The following P2RY14 variants were observed in gnomAD, a reference collection of about 807,000 sequenced individuals.
P2RY14 encodes purinergic receptor P2Y14, also known as P2Y purinoceptor 14.
Under a neutral mutation model 0.9 loss-of-function variants are expected in P2RY14, and 2 were observed. The observed-to-expected ratio is 2.16, with a 90% CI of 0.88 to 6.79. The LOEUF is 6.79. Among genes scored for constraint, P2RY14 ranks in the 30% most tolerant of loss-of-function variants. The pLI, the probability that P2RY14 is intolerant of heterozygous loss-of-function variation, is 0.05. For synonymous variants in P2RY14, 158 were observed against 147.2 expected (o/e 1.07, Z -0.53); for missense variants, 378 against 400.1 (o/e 0.94, Z 0.47).
At chr3:151,255,892 A>G (rs1010000205) in intron 1 of P2RY14, among the ~76,000 whole-genome samples, 3 of 152,182 alleles carry the variant, frequency 2.0e-5, no homozygotes. Flanking sequence ...CATCTGCAAA[A>G]AGAGTCTAGT....
chr3:151,233,799 G>T (rs1022495937), intron 1 of P2RY14, among the ~76,000 whole-genome samples: 1 of 152,226 alleles, frequency 6.6e-6, no homozygotes, highest in East Asian at 1.9e-4. Context: ...TTCTTGGATC[G>T]TTCCTGTTCC....
In P2RY14 at chr3:151,217,270, T is replaced by C. The variant is rs1728417541; in HGVS notation, c.-25+2265A>G. ...ATAATTCCTTTTCTTATAGAAACCC[T>C]TATAAAATTATTTTCTCAGAGTCTT... On this transcript the variant is annotated intron_variant, in intron 2 of 2. Transcript: ENST00000309170. Among the ~76,000 whole-genome samples the C allele has an allele frequency of 2.6e-5, 4 of 152,210 alleles. No homozygotes were observed. In the South Asian group the frequency reaches 8.3e-4, roughly 32 times the overall value.
chr3:151,258,851 CAA>C (rs63714361), intron 1 of P2RY14, among the ~76,000 whole-genome samples: 17,234 of 90,254 alleles, frequency 0.19, 1,149 homozygotes, highest in Middle Eastern at 0.33. Flanking sequence ...GATTCTGTCT[CAA>C]AAAAAAAAAA....
chr3:151,256,615 A>G (rs1737859269), intron 1 of P2RY14, among the ~76,000 whole-genome samples: 1 of 74,468 alleles, frequency 1.3e-5, no homozygotes, highest in Non-Finnish European at 2.8e-5. Context: ...AGAAATCACA[A>G]CAGACTGCTG....
chr3:151,235,927 G>T (rs1484132225), intron 1 of P2RY14, among the ~76,000 whole-genome samples: 1 of 151,966 alleles, frequency 6.6e-6, no homozygotes, highest in Non-Finnish European at 1.5e-5. Flanking sequence ...GTTTTCTCTT[G>T]TCTCCCTTTG....
intron 1 of P2RY14, among the ~76,000 whole-genome samples, chr3:151,241,183 G>A (rs1734000879): frequency 6.6e-6 from 1 of 151,982 alleles, no homozygotes; most frequent in Non-Finnish European, 1.5e-5. Context: ...TTGGCATCTG[G>A]GATTGCCTTT....
intron 1 of P2RY14, among the ~76,000 whole-genome samples, chr3:151,271,046 C>G (rs555481452): frequency 6.6e-6 from 1 of 151,178 alleles, no homozygotes; most frequent in East Asian, 1.9e-4. Flanking sequence ...AAATTTAAAA[C>G]TTTCATTTTT....
chr3:151,213,576 T>C lies in P2RY14; in HGVS notation c.741A>G (p.Val247=). 1 of 1,614,142 alleles carries C rather than the reference T, an allele frequency of 6.2e-7. No individual in the cohort carries two copies. Among genetic ancestry groups the C allele is most frequent in the Non-Finnish European group, 8.5e-7 (1 of 1,180,010 alleles). ...SIVFVFFVCF[V]PYHIARIPYT... is the part of the protein sequence containing the mutation. ...AGGGGATTCTGGCAATATGGTAAGG[T>C]ACAAAACAGACAAAAAACACAAACA... The change falls in exon 3 of 3, where the codon GTA becomes GTG. Residue 247 remains valine (V), a synonymous_variant. Transcript: ENST00000309170.
rs1291957396 is a variant in P2RY14, at chr3:151,219,634, T to G, written c.-124A>C. 1.3e-5 allele frequency: 2 copies of G among 152,208 alleles called. No individual in the cohort carries two copies. Among genetic ancestry groups the G allele is most frequent in the African/African-American group, 4.8e-5 (2 of 41,450 alleles). The allele number at this position is 152,208 out of a possible 1,614,324, so 9.4% of individuals were successfully genotyped here. On this transcript the variant is annotated 5_prime_UTR_variant, in exon 2 of 3. It removes an upstream start codon present in the reference 5' UTR. Transcript: ENST00000309170. ...TTGAAGTGGCCCAAGTGTTTTTTCA[T>G]TAAAGATCCTGCATTACACAAAACA... is the stretch of plus-strand genomic sequence containing the variant.
At chr3:151,258,403 ATTTTC>A (rs1214643789) in intron 1 of P2RY14, among the ~76,000 whole-genome samples, 12 of 152,192 alleles carry the variant, frequency 7.9e-5, no homozygotes, top group African/African-American at 2.9e-4. Context: ...ATTTTCTGTT[ATTTTC>A]TTGAAGAATA....
At chr3:151,239,589 T>C (rs1733659089) in intron 1 of P2RY14, among the ~76,000 whole-genome samples, 1 of 152,222 alleles carries the variant, frequency 6.6e-6, no homozygotes, top group Admixed American at 6.5e-5. Context: ...ACCTGCTATT[T>C]AAAAGTTTTA....
At chr3:151,269,781 C>T (rs941344057) in intron 1 of P2RY14, 12 of 416,224 alleles carry the variant, frequency 2.9e-5, no homozygotes, top group African/African-American at 2.1e-4. Flanking sequence ...TTTTAGAGTC[C>T]ACTGAAGTCA....
At chr3:151,272,406 A>G (rs906558724) in intron 1 of P2RY14, among the ~76,000 whole-genome samples, 13 of 152,116 alleles carry the variant, frequency 8.5e-5, no homozygotes, top group African/African-American at 3.1e-4. Flanking sequence ...TTTCCCATAT[A>G]TATGTATCAT....
chr3:151,233,362 ATATAGTC>A (rs1732085446), intron 1 of P2RY14, among the ~76,000 whole-genome samples: 1 of 152,236 alleles, frequency 6.6e-6, no homozygotes, highest in South Asian at 2.1e-4. Context: ...TTGCTTTTAA[ATATAGTC>A]TTTCTTTTCA....
At chr3:151,245,716 G>A (rs1735287792) in intron 1 of P2RY14, among the ~76,000 whole-genome samples, 1 of 107,330 alleles carries the variant, frequency 9.3e-6, no homozygotes, top group African/African-American at 3.5e-5. Context: ...GCACAAGACA[G>A]GGATGCCCTC....
chr3:151,213,210 A>G lies in P2RY14; in HGVS notation c.*90T>C. ...GATGGCAGTGCTAGAGATGATATTT[A>G]TGATGAGGGCACATATCTTATTGAT... On this transcript the variant is annotated 3_prime_UTR_variant, in exon 3 of 3. Transcript: ENST00000309170. 1.0e-6 allele frequency: 1 copy of G among 983,592 alleles called. No homozygotes were observed. Among genetic ancestry groups the G allele is most frequent in the Non-Finnish European group, 1.5e-6 (1 of 658,832 alleles). 60.9% of individuals were successfully genotyped at this position (983,592 alleles called of 1,614,324 possible). A position where few individuals can be genotyped will look rare whatever the true frequency, so the allele number is the denominator to read the frequency against.
chr3:151,242,521 C>A (rs796897471), intron 1 of P2RY14, among the ~76,000 whole-genome samples: 3 of 150,208 alleles, frequency 2.0e-5, no homozygotes, highest in East Asian at 3.9e-4. Context: ...ACACCTCACA[C>A]AGCAGGGTAT....
At chr3:151,261,267 G>A (rs1738830676) in intron 1 of P2RY14, 1 of 152,104 alleles carries the variant, frequency 6.6e-6, no homozygotes, top group Non-Finnish European at 1.5e-5. Context: ...AAAAGGCAGA[G>A]GTGGAGATAC....
chr3:151,250,901 C>A (rs1215320888), intron 1 of P2RY14, among the ~76,000 whole-genome samples: 1 of 152,212 alleles, frequency 6.6e-6, no homozygotes, highest in Non-Finnish European at 1.5e-5. Flanking sequence ...ACAAAGGTGT[C>A]ACTTTCCCCA....
Sources: allele counts gnomAD v4.1 joint callset (sites outside exome capture counted in the v4.1 genomes callset), GRCh38; gene constraint gnomAD v4.1.1; transcripts MANE v1.5; gene names NCBI Gene and HGNC (gene_info 2026-07-23, HGNC 2026-07-21).